The following XXYLT1 variants were observed in gnomAD, a reference collection of about 807,000 sequenced individuals.
The protein encoded by XXYLT1 is UDP-xylose:alpha-xyloside alpha-1,3-xylosyltransferase.
XXYLT1 carries 20 observed loss-of-function variants against 28.9 expected under a neutral mutation model. That is an observed-to-expected ratio of 0.69 (90% CI 0.49 to 1.00). XXYLT1 has a LOEUF of 1.00. XXYLT1 is among the 50% of genes least tolerant of loss of function. XXYLT1 has a pLI of 0.00. For synonymous variants in XXYLT1, 257 were observed against 253.8 expected, an observed-to-expected ratio of 1.01 and a Z score of -0.12; for missense variants, 542 against 560.1, an observed-to-expected ratio of 0.97 and a Z score of 0.33.
At chr3:195,161,086 T>C (rs1336528772) in intron 2 of XXYLT1, among the ~76,000 whole-genome samples, 1 of 152,128 alleles carries the variant, frequency 6.6e-6, no homozygotes, top group African/African-American at 2.4e-5. Context: ...GTTCACCCTC[T>C]AGGAGCAGGG....
chr3:195,125,872 C>T (rs1056685753), intron 3 of XXYLT1, among the ~76,000 whole-genome samples: 6 of 152,162 alleles, frequency 3.9e-5, no homozygotes, highest in Non-Finnish European at 7.3e-5. Context: ...ATCCACCTCC[C>T]GCAGCAGCCA....
rs1328841687 is a variant in XXYLT1, at chr3:195,077,714, CCCCTGCAGGCGTCCGTTTCTCCAGAG to C, written c.786-7629_786-7604del. Among the ~76,000 whole-genome samples the C allele has an allele frequency of 6.6e-6, 1 of 152,200 alleles. No individual in the cohort carries two copies. The highest frequency in any genetic ancestry group is 1.9e-4 in the East Asian group (1 of 5,190). On this transcript the variant is annotated intron_variant, in intron 3 of 3. Coordinates refer to ENST00000310380, the MANE Select transcript of XXYLT1 (RefSeq NM_152531.5). The surrounding 1 kb of genome is among the most constrained non-coding windows in gnomAD (Gnocchi z 4.8). ...ACCTGGTGCAGGGCAGCCCTTCAGC[CCCCTGCAGGCGTCCGTTTCTCCAGAG>C]CCCTGCAGAAGGGCAGCTGGCAGGC...
At chr3:195,110,470 GAGGTGTGTGTGTA>G (rs1267080968) in intron 3 of XXYLT1, among the ~76,000 whole-genome samples, 40 of 143,142 alleles carry the variant, frequency 2.8e-4, no homozygotes, top group Admixed American at 6.2e-4. Flanking sequence ...GTGTGTGGGT[GAGGTGTGTGTGTA>G]TGTGGTGTAT....
At chr3:195,178,535 C>T (rs1299385051) in intron 2 of XXYLT1, among the ~76,000 whole-genome samples, 1 of 152,164 alleles carries the variant, frequency 6.6e-6, no homozygotes, top group Non-Finnish European at 1.5e-5. Context: ...TCCAGCAGGA[C>T]GCGGCCATCA....
intron 3 of XXYLT1, among the ~76,000 whole-genome samples, chr3:195,135,495 G>A (rs1440218298): frequency 6.6e-6 from 1 of 152,156 alleles, no homozygotes; most frequent in Non-Finnish European, 1.5e-5. Context: ...TGAAGTACAA[G>A]TGGCTTCCAT....
At chr3:195,097,304 T>G (rs1716502451) in intron 3 of XXYLT1, among the ~76,000 whole-genome samples, 2 of 150,350 alleles carry the variant, frequency 1.3e-5, no homozygotes, top group African/African-American at 4.9e-5. Flanking sequence ...GCCAGTCACC[T>G]TTTAAACAAT....
At chr3:195,083,731 A>T (rs1715566236) in intron 3 of XXYLT1, among the ~76,000 whole-genome samples, 1 of 152,160 alleles carries the variant, frequency 6.6e-6, no homozygotes, top group South Asian at 2.1e-4. Context: ...AGGCCCAGAG[A>T]GTTACTGCGC....
rs1721503678 is a variant in XXYLT1 at position 195,173,346 on chromosome 3, C to T, written c.653-16765G>A. 6.6e-6 allele frequency among the ~76,000 whole-genome samples: 1 copy of T among 152,154 alleles called. No homozygotes were observed. The highest frequency in any genetic ancestry group is 6.5e-5 in the Admixed American group (1 of 15,278). ...AGGGAAAGACGCAGCGTCTCCTCCC[C>T]CAGCATCTGCCTGGCCATTATGGCC... On this transcript the variant is annotated intron_variant, in intron 2 of 3. Transcript: ENST00000310380. This position sits in a 1 kb window ranked among gnomAD's most constrained non-coding sequence, Gnocchi z 4.3.
At chr3:195,246,618 G>A (rs985752683) in intron 1 of XXYLT1, among the ~76,000 whole-genome samples, 9 of 152,228 alleles carry the variant, frequency 5.9e-5, no homozygotes, top group African/African-American at 1.4e-4. Flanking sequence ...CAGAGGGGGT[G>A]AGCCCCGGAC....
In XXYLT1 at chr3:195,124,971, C is replaced by A. The variant is rs1252417816; in HGVS notation, c.785+31478G>T. ...GGAAAAGAGCAGTACGAATAAATGG[C>A]ATCTCAGCTTCTTTCAAGCTAACCC... On this transcript the variant is annotated intron_variant, in intron 3 of 3. Coordinates refer to ENST00000310380, the MANE Select transcript of XXYLT1 (RefSeq NM_152531.5). This position sits in a 1 kb window ranked among gnomAD's most constrained non-coding sequence, Gnocchi z 4.1. Among the ~76,000 whole-genome samples, 1 of 152,206 alleles carries A rather than the reference C, an allele frequency of 6.6e-6. No individual in the cohort carries two copies. Among genetic ancestry groups the A allele is most frequent in the East Asian group, 1.9e-4 (1 of 5,198 alleles).
At chr3:195,200,690 CTG>C (rs1277375155) in intron 2 of XXYLT1, among the ~76,000 whole-genome samples, 1 of 152,058 alleles carries the variant, frequency 6.6e-6, no homozygotes, top group African/African-American at 2.4e-5. Context: ...CTGGAAACAT[CTG>C]TCTAAATTAG....
At chr3:195,224,401 T>C (rs1723959932) in intron 2 of XXYLT1, among the ~76,000 whole-genome samples, 2 of 152,218 alleles carry the variant, frequency 1.3e-5, no homozygotes, top group South Asian at 4.1e-4. Context: ...CCCTGAGCTA[T>C]GCCAGGCTCT....
rs375461919 is a variant in XXYLT1, at chr3:195,158,789, T to C, written c.653-2208A>G. Among the ~76,000 whole-genome samples the C allele has an allele frequency of 6.6e-5, 10 of 152,364 alleles. No homozygotes were observed. In the East Asian group the frequency reaches 1.7e-3, roughly 26 times the overall value. On this transcript the variant is annotated intron_variant, in intron 2 of 3. Transcript: ENST00000310380. ...GGAGGTTAGCCCCTTCATGTAATTA[T>C]GAAATAAGACGCCAAGTTGTAAATG...
intron 2 of XXYLT1, among the ~76,000 whole-genome samples, chr3:195,223,132 C>G (rs1723902580): frequency 6.6e-6 from 1 of 151,608 alleles, no homozygotes; most frequent in Non-Finnish European, 1.5e-5. Flanking sequence ...ACTTGGGAGG[C>G]TGAGGCAGGA....
At position 195,196,705 on chromosome 3, in the gene XXYLT1, C is replaced by G. The variant is rs1305714701; in HGVS notation, c.652+30004G>C. Among the ~76,000 whole-genome samples the G allele has an allele frequency of 2.0e-5, 3 of 152,018 alleles. No homozygotes were observed. The East Asian group carries it at 5.8e-4, about 29-fold the overall frequency. ...TGCTTGGGATGCAAACTCAGGAGAC[C>G]CAACCGTGTAAAAGCAAATGTAACA... On this transcript the variant is annotated intron_variant, in intron 2 of 3. Coordinates refer to ENST00000310380, the MANE Select transcript of XXYLT1 (RefSeq NM_152531.5).
chr3:195,187,046 C>G (rs1370868644), intron 2 of XXYLT1, among the ~76,000 whole-genome samples: 1 of 151,530 alleles, frequency 6.6e-6, no homozygotes, highest in Non-Finnish European at 1.5e-5. Flanking sequence ...AGGTGCCCAC[C>G]ACCGTGCCCA....
intron 2 of XXYLT1, among the ~76,000 whole-genome samples, chr3:195,200,187 C>T (rs112888985): frequency 6.6e-6 from 1 of 152,166 alleles, no homozygotes; most frequent in African/African-American, 2.4e-5. Context: ...AGCCGTGAAG[C>T]AGCGCGGTTC....
chr3:195,169,929 G>A (rs973896367), intron 2 of XXYLT1, among the ~76,000 whole-genome samples: 14 of 149,834 alleles, frequency 9.3e-5, no homozygotes, highest in African/African-American at 2.5e-4. Flanking sequence ...GTAATGGCAC[G>A]ATCTCGGCTC....
At chr3:195,096,083 C>G (rs754968489) in intron 3 of XXYLT1, 2 of 152,344 alleles carry the variant, frequency 1.3e-5, no homozygotes, top group Non-Finnish European at 2.9e-5. Flanking sequence ...CCATCCTTAG[C>G]ACGCGTTTAT....
Sources: gnomAD v4.1 joint callset for allele counts (sites outside exome capture counted in the v4.1 genomes callset) on GRCh38, gnomAD v4.1.1 for gene constraint, Gnocchi (gnomAD v3.1) non-coding constraint, MANE v1.5 for transcripts, NCBI Gene and HGNC (gene_info 2026-07-23, HGNC 2026-07-21) for gene names.